SGIP1: variants seen among roughly 807,000 people sequenced by gnomAD.
The protein encoded by SGIP1 is SH3-containing GRB2-like protein 3-interacting protein 1.
Under a neutral mutation model 107.5 loss-of-function variants are expected in SGIP1, and 38 were observed. The observed-to-expected ratio is 0.35, with a 90% CI of 0.27 to 0.46. The LOEUF (loss-of-function observed/expected upper bound fraction) is 0.46, where lower values mean the gene tolerates loss of function less well. SGIP1 is among the 20% of genes least tolerant of loss of function. SGIP1 has a pLI of 1.00. For synonymous variants in SGIP1, 365 were observed against 366.1 expected (o/e 1.00, Z 0.03); for missense variants, 929 against 1,019.5 (o/e 0.91, Z 1.21).
In SGIP1 at chr1:66,740,698, A is replaced by C. The variant is rs766616859; in HGVS notation, c.2275A>C (p.Ile759Leu). Residue 759 changes from isoleucine to leucine, a missense_variant, in exon 23 of 25, where the codon ATC (isoleucine) becomes CTC (leucine). Ile to Leu is a conservative substitution (Grantham distance 5, BLOSUM62 2). This residue lies in a region of SGIP1 where 341 missense variants were observed against 430.9 expected (regional missense o/e 0.79). Coordinates refer to ENST00000371037, the MANE Select transcript of SGIP1 (RefSeq NM_032291.4). ...GAGAATATTGTGGAAGATTCCTGAT[A>C]TCTCTCAGAAGTCAGAAAATGGAGG... The part of the protein sequence containing the change: ...QQRILWKIPD[I>L]SQKSENGGVG... The C allele has an allele frequency of 1.7e-5, 28 of 1,607,828 alleles. No homozygotes were observed. The highest frequency in any genetic ancestry group is 3.4e-5 in the Admixed American group (2 of 59,482).
chr1:66,639,009 G>A (rs972978694), intron 4 of SGIP1, among the ~76,000 whole-genome samples: 3 of 152,148 alleles, frequency 2.0e-5, no homozygotes, highest in African/African-American at 7.2e-5. Context: ...TATCTATTTG[G>A]GTGATGCCAC....
At chr1:66,611,843 C>T (rs2068077891) in intron 1 of SGIP1, among the ~76,000 whole-genome samples, 1 of 152,070 alleles carries the variant, frequency 6.6e-6, no homozygotes, top group Non-Finnish European at 1.5e-5. Context: ...AAAGAACTGG[C>T]TGGGGAGGAA....
intron 1 of SGIP1, among the ~76,000 whole-genome samples, chr1:66,619,166 G>T (rs1192742273): frequency 6.6e-6 from 1 of 152,152 alleles, no homozygotes; most frequent in Non-Finnish European, 1.5e-5. Context: ...CCTAGTCCTT[G>T]TCTTGTCCAA....
At chr1:66,550,967 AG>A (rs2057315244) in intron 1 of SGIP1, among the ~76,000 whole-genome samples, 1 of 152,148 alleles carries the variant, frequency 6.6e-6, no homozygotes, top group Admixed American at 6.5e-5. Context: ...ATTCCCATAT[AG>A]GGGCAGAACA....
intron 5 of SGIP1, among the ~76,000 whole-genome samples, chr1:66,640,305 C>G (rs1391144221): frequency 6.6e-6 from 1 of 152,162 alleles, no homozygotes; most frequent in Non-Finnish European, 1.5e-5. Flanking sequence ...ATTTCAGTAA[C>G]CTGCCTAGCC....
At chr1:66,557,431 G>C (rs1165855058) in intron 1 of SGIP1, among the ~76,000 whole-genome samples, 1 of 152,118 alleles carries the variant, frequency 6.6e-6, no homozygotes, top group East Asian at 1.9e-4. Context: ...GCTGGGCTTT[G>C]GAAGGTCTAA....
intron 18 of SGIP1, among the ~76,000 whole-genome samples, chr1:66,717,211 G>C (rs2150406137): frequency 6.6e-6 from 1 of 152,260 alleles, no homozygotes; most frequent in Admixed American, 6.5e-5. Flanking sequence ...GACCCTGATA[G>C]AGTGGCAACA....
chr1:66,554,303 C>T (rs1403579241), intron 1 of SGIP1, among the ~76,000 whole-genome samples: 1 of 152,096 alleles, frequency 6.6e-6, no homozygotes, highest in Admixed American at 6.5e-5. Flanking sequence ...TTTTTCTTTG[C>T]TTTTTACAAT....
chr1:66,613,798 C>T (rs1020738251), intron 1 of SGIP1, among the ~76,000 whole-genome samples: 8 of 152,022 alleles, frequency 5.3e-5, no homozygotes, highest in African/African-American at 1.9e-4. Flanking sequence ...AAGAGTGCTT[C>T]AGGCTTTTAG....
intron 23 of SGIP1, 138 bp from the exon 24 acceptor site, chr1:66,741,134 C>A: frequency 1.1e-6 from 1 of 891,730 alleles, no homozygotes; most frequent in Non-Finnish European, 1.6e-6. Context: ...TCATAATATT[C>A]AATGATAAAC....
chr1:66,574,903 G>A (rs1169671696), intron 1 of SGIP1, among the ~76,000 whole-genome samples: 6 of 152,156 alleles, frequency 3.9e-5, no homozygotes, highest in African/African-American at 1.4e-4. Flanking sequence ...TGATATTTTG[G>A]AGCGTTAAAC....
chr1:66,553,361 T>G (rs570459788), intron 1 of SGIP1, among the ~76,000 whole-genome samples: 13 of 152,194 alleles, frequency 8.5e-5, no homozygotes, highest in Non-Finnish European at 1.9e-4. Context: ...TTTTTTTCAT[T>G]TTAAAAATAA....
At chr1:66,562,292 A>T (rs1170751216) in intron 1 of SGIP1, among the ~76,000 whole-genome samples, 2 of 151,992 alleles carry the variant, frequency 1.3e-5, no homozygotes, top group Non-Finnish European at 2.9e-5. Context: ...ATTTTTCCAA[A>T]TGCAATAGAT....
intron 1 of SGIP1, among the ~76,000 whole-genome samples, chr1:66,619,244 C>T (rs1449238061): frequency 6.6e-6 from 1 of 152,102 alleles, no homozygotes; most frequent in East Asian, 1.9e-4. Context: ...AACATGATCT[C>T]CAAAAGTGGT....
At chr1:66,609,865 A>G (rs1357794736) in intron 1 of SGIP1, among the ~76,000 whole-genome samples, 1 of 152,218 alleles carries the variant, frequency 6.6e-6, no homozygotes, top group Non-Finnish European at 1.5e-5. Flanking sequence ...CTTCATTCAG[A>G]TTTGGCATTT....
intron 18 of SGIP1, among the ~76,000 whole-genome samples, chr1:66,710,773 C>T (rs2092861445): frequency 6.6e-6 from 1 of 152,062 alleles, no homozygotes; most frequent in African/African-American, 2.4e-5. Flanking sequence ...TAAAGCTTTT[C>T]ATCACACCTA....
chr1:66,735,092 A>G (rs776986415), intron 21 of SGIP1, among the ~76,000 whole-genome samples: 8 of 151,992 alleles, frequency 5.3e-5, no homozygotes, highest in Non-Finnish European at 8.8e-5. Flanking sequence ...TTTGACCAAC[A>G]TCTCTCTAAA....
chr1:66,599,270 G>A (rs190605211), intron 1 of SGIP1, among the ~76,000 whole-genome samples: 100 of 152,110 alleles, frequency 6.6e-4, no homozygotes, highest in African/African-American at 2.3e-3. Flanking sequence ...TAGGGCATAG[G>A]GGAGCATATT....
At chr1:66,734,972 T>A (rs1466423760) in intron 21 of SGIP1, among the ~76,000 whole-genome samples, 1 of 152,152 alleles carries the variant, frequency 6.6e-6, no homozygotes, top group African/African-American at 2.4e-5. Context: ...CACTTTCCAT[T>A]CACTTTAGCA....
Sources: allele counts gnomAD v4.1 joint callset (sites outside exome capture counted in the v4.1 genomes callset), GRCh38; gene constraint gnomAD v4.1.1; regional missense constraint gnomAD v4.1.1; transcripts MANE v1.5; gene names NCBI Gene and HGNC (gene_info 2026-07-23, HGNC 2026-07-21).